TMEM164: variants seen among roughly 807,000 people sequenced by gnomAD.
TMEM164 encodes RP13-360B22.2.
TMEM164 carries 4 observed loss-of-function variants against 18.8 expected under a neutral mutation model. That is an observed-to-expected ratio of 0.21 (90% CI 0.10 to 0.49). The LOEUF is 0.49. TMEM164 is among the 20% of genes least tolerant of loss of function. The pLI is 0.98. For synonymous variants in TMEM164, 86 were observed against 101.7 expected, an observed-to-expected ratio of 0.85 and a Z score of 0.93; for missense variants, 108 against 239.9, an observed-to-expected ratio of 0.45 and a Z score of 3.63.
intron 2 of TMEM164, among the ~76,000 whole-genome samples, chrX:110,022,199 A>ATGTGTGTGTGTGTGTGTGTGTGTGTC (rs754713777): frequency 7.4e-5 from 8 of 107,615 alleles, no homozygotes; most frequent in African/African-American, 2.7e-4. Flanking sequence ...ACCACTAGAA[A>ATGTGTGTGTGTGTGTGTGTGTGTGTC]TGTGTGTGTG....
intron 3 of TMEM164, among the ~76,000 whole-genome samples, chrX:110,091,719 C>T (rs1259275276): frequency 8.9e-6 from 1 of 111,995 alleles, no homozygotes; most frequent in Non-Finnish European, 1.9e-5. Flanking sequence ...TTAATTAGAT[C>T]CCATTTGTCA....
At chrX:110,037,472 T>C (rs1441619395) in intron 2 of TMEM164, among the ~76,000 whole-genome samples, 1 of 111,782 alleles carries the variant, frequency 8.9e-6, no homozygotes, top group Non-Finnish European at 1.9e-5. Context: ...AAAACACAAA[T>C]GATTTATTTT....
chrX:110,149,473 T>C (rs1016437475), intron 5 of TMEM164, among the ~76,000 whole-genome samples: 1 of 112,058 alleles, frequency 8.9e-6, no homozygotes, highest in Non-Finnish European at 1.9e-5. Flanking sequence ...CACTCCGTTT[T>C]GGATTGCTCT....
At chrX:110,063,091 G>C (rs745938853) in intron 2 of TMEM164, among the ~76,000 whole-genome samples, 7 of 111,582 alleles carry the variant, frequency 6.3e-5, no homozygotes, top group Non-Finnish European at 1.3e-4. Flanking sequence ...TCCCCAGATA[G>C]CTATGTGCCA....
chrX:110,182,894 G>A (rs1353588485), downstream of TMEM164, among the ~76,000 whole-genome samples: 1 of 111,819 alleles, frequency 8.9e-6, no homozygotes, highest in African/African-American at 3.3e-5. Flanking sequence ...GAAGGGAAGA[G>A]GAGTGTCTGC....
chrX:110,147,256 T>A (rs1194522250), intron 5 of TMEM164, among the ~76,000 whole-genome samples: 1 of 111,645 alleles, frequency 9.0e-6, no homozygotes, highest in Non-Finnish European at 1.9e-5. Context: ...TCTGGAACTC[T>A]ATTTCTTTTT....
At chrX:110,042,487 A>G (rs1235911408) in intron 2 of TMEM164, among the ~76,000 whole-genome samples, 1 of 112,063 alleles carries the variant, frequency 8.9e-6, no homozygotes, top group African/African-American at 3.2e-5. Flanking sequence ...GAATGTTAGC[A>G]TACAAGTATT....
chrX:110,077,837 C>G (rs1013602898), intron 3 of TMEM164, among the ~76,000 whole-genome samples: 1 of 112,142 alleles, frequency 8.9e-6, no homozygotes, highest in East Asian at 2.8e-4. Flanking sequence ...GTTAGCCTGA[C>G]GGGATTCCCT....
chrX:110,021,464 G>C (rs1047235607), intron 2 of TMEM164, among the ~76,000 whole-genome samples: 5 of 111,325 alleles, frequency 4.5e-5, no homozygotes, highest in Non-Finnish European at 1.9e-5. Context: ...GTGGCCAAGA[G>C]GCAGGCAGGG....
chrX:110,093,580 C>A (rs905830447), intron 3 of TMEM164, among the ~76,000 whole-genome samples: 4 of 111,414 alleles, frequency 3.6e-5, no homozygotes, highest in African/African-American at 1.3e-4. Flanking sequence ...TCTCTCTTTT[C>A]TTCTTTATTA....
At chrX:110,060,266 G>GAAAAA (rs140796343) in intron 2 of TMEM164, among the ~76,000 whole-genome samples, 16 of 51,426 alleles carry the variant, frequency 3.1e-4, no homozygotes, top group East Asian at 7.2e-4. Flanking sequence ...GACCCTGTCT[G>GAAAAA]AAAAAAAAAA....
chrX:110,035,041 A>G (rs1934716357), intron 2 of TMEM164, among the ~76,000 whole-genome samples: 1 of 83,283 alleles, frequency 1.2e-5, no homozygotes, highest in African/African-American at 4.7e-5. Context: ...GAACACAGGA[A>G]GGGGAACATC....
At chrX:110,161,622 C>T (rs1253276304) in intron 5 of TMEM164, among the ~76,000 whole-genome samples, 1 of 112,309 alleles carries the variant, frequency 8.9e-6, no homozygotes, top group Non-Finnish European at 1.9e-5. Context: ...TTAATTTTCT[C>T]ACCTTCCAGG....
chrX:110,067,325 C>T, intron 2 of TMEM164, 22 bp from the exon 3 acceptor site: 1 of 1,206,840 alleles, frequency 8.3e-7, no homozygotes, highest in Non-Finnish European at 1.1e-6. Context: ...GCTAACCATT[C>T]TTAATTCTTC....
chrX:110,157,482 T>C (rs1238677203), intron 5 of TMEM164, among the ~76,000 whole-genome samples: 1 of 111,517 alleles, frequency 9.0e-6, no homozygotes, highest in Non-Finnish European at 1.9e-5. Context: ...CCTTTTCCCT[T>C]TCTCTCTGCC....
At position 110,176,113 on chromosome X, in the gene TMEM164, C is replaced by T. The variant is rs202037588; in HGVS notation, c.*2662C>T. On this transcript the variant is annotated 3_prime_UTR_variant, in exon 7 of 7. Coordinates refer to ENST00000372068, the MANE Select transcript of TMEM164 (RefSeq NM_032227.4). ...CATTTGCCAGCGTGTGGGAGCTCTGCGCGTGTGTGAGGGTGTTTGTAGAAG... is the reference window on the plus strand; with the variant it reads ...CATTTGCCAGCGTGTGGGAGCTCTGTGCGTGTGTGAGGGTGTTTGTAGAAG... The T allele has an allele frequency of 2.1e-4, 155 of 755,026 alleles. No individual in the cohort carries two copies. The highest frequency in any genetic ancestry group is 1.8e-3 in the African/African-American group (76 of 43,222). 62.2% of individuals were successfully genotyped at this position (755,026 alleles called of 1,213,427 possible). A position where few individuals can be genotyped will look rare whatever the true frequency, so the allele number is the denominator to read the frequency against.
chrX:110,020,712 A>G (rs979950075), intron 2 of TMEM164: 8 of 749,403 alleles, frequency 1.1e-5, no homozygotes, highest in Non-Finnish European at 1.3e-5. Context: ...CAGCCACCCC[A>G]CCCACTTTAA....
rs1384270550 is a variant in TMEM164, at chrX:110,177,264, T to TA, written c.*3813_*3814insA. ...ATTTTGTGTTCTATTTTAAAGAATC[T>TA]TTCATTTATATTGGTGTTATTGTAG... On this transcript the variant is annotated 3_prime_UTR_variant, in exon 7 of 7. Coordinates refer to ENST00000372068, the MANE Select transcript of TMEM164 (RefSeq NM_032227.4). 8.9e-6 allele frequency: 1 copy of TA among 112,932 alleles called. No individual in the cohort carries two copies. The highest frequency in any genetic ancestry group is 1.9e-5 in the Non-Finnish European group (1 of 53,356). 9.3% of individuals were successfully genotyped at this position (112,932 alleles called of 1,213,427 possible).
chrX:110,021,428 G>A lies in TMEM164; in HGVS notation c.390+17264G>A, dbSNP rs1204863765. Among the ~76,000 whole-genome samples, 3 of 111,435 alleles carry A rather than the reference G, an allele frequency of 2.7e-5. No individual in the cohort carries two copies. In the Admixed American group the frequency reaches 2.9e-4, roughly 11 times the overall value. Reference sequence around the variant, plus strand: ...ATTGCCAGGAAGTTCAGTGGAAAGGGAGGGGATAAGTAGAAGAGTAGCTAA... The same window carrying A: ...ATTGCCAGGAAGTTCAGTGGAAAGGAAGGGGATAAGTAGAAGAGTAGCTAA... On this transcript the variant is annotated intron_variant, in intron 2 of 6. Coordinates refer to ENST00000372068, the MANE Select transcript of TMEM164 (RefSeq NM_032227.4).
Sources: allele counts gnomAD v4.1 joint callset (sites outside exome capture counted in the v4.1 genomes callset), GRCh38; gene constraint gnomAD v4.1.1; transcripts MANE v1.5; gene names NCBI Gene and HGNC (gene_info 2026-07-23, HGNC 2026-07-21).